SATB1: variants seen among roughly 807,000 people sequenced by gnomAD.
SATB1 encodes the protein SATB homeobox 1, also known as DNA-binding protein SATB1.
SATB1 carries 11 observed loss-of-function variants against 86.9 expected under a neutral mutation model. The observed-to-expected ratio is 0.13, with a 90% confidence interval of 0.08 to 0.21. The LOEUF (loss-of-function observed/expected upper bound fraction) is 0.21. Among genes scored for constraint, SATB1 ranks in the 10% least tolerant of loss-of-function variants. The probability of loss-of-function intolerance (pLI) is 1.00; values close to 1 mark genes in which losing one functional copy is unlikely to be tolerated. For missense variants in SATB1, 551 were observed against 937.6 expected, an observed-to-expected ratio of 0.59 and a Z score of 5.39; for synonymous variants, 357 against 357.2, an observed-to-expected ratio of 1.00 and a Z score of 0.01.
intron 3 of SATB1, 135 bp from the exon 4 acceptor site, chr3:18,416,268 C>T (rs1000624391): frequency 1.7e-6 from 1 of 578,848 alleles, no homozygotes; most frequent in South Asian, 4.3e-5. Flanking sequence ...ATTCCCTTCC[C>T]TCTAAAAGGC....
Position 18,424,924 on chromosome 3 carries a change from GGT to G in SATB1, c.-1324_-1323del, listed in dbSNP as rs923129729. The G allele has an allele frequency of 1.2e-4, 19 of 154,284 alleles. No individual in the cohort carries two copies. Among genetic ancestry groups the G allele is most frequent in the Non-Finnish European group, 1.7e-4 (12 of 69,832 alleles). The allele number at this position is 154,284 out of a possible 1,614,324, so 9.6% of individuals were successfully genotyped here. A position where few individuals can be genotyped will look rare whatever the true frequency, so the allele number is the denominator to read the frequency against. On this transcript the variant is annotated 5_prime_UTR_variant, in exon 1 of 11. An upstream open reading frame in the 5' UTR gains an earlier in-frame stop. Transcript: ENST00000338745. ...GGTGTTGCTGGGTGGCACAGGGAGA[GGT>G]GTGTGTGTGTTTGTGTGTGTGCGTG...
chr3:18,393,357 T>C (rs1041752592), intron 7 of SATB1, among the ~76,000 whole-genome samples: 2 of 152,236 alleles, frequency 1.3e-5, no homozygotes, highest in Non-Finnish European at 2.9e-5. Context: ...GTTTTTTGTT[T>C]TGTTTTAGTG....
At chr3:18,353,355 C>G (rs1302342170) in intron 9 of SATB1, among the ~76,000 whole-genome samples, 7 of 152,076 alleles carry the variant, frequency 4.6e-5, no homozygotes, top group African/African-American at 1.7e-4. Context: ...TAGATTTTGC[C>G]TGAGACCATA....
intron 5 of SATB1, among the ~76,000 whole-genome samples, chr3:18,398,770 T>G (rs1338984588): frequency 1.3e-5 from 2 of 152,132 alleles, no homozygotes; most frequent in African/African-American, 4.8e-5. Flanking sequence ...ATTTTATATC[T>G]CTAAAAAGAC....
chr3:18,419,517 T>A (rs942288978), intron 2 of SATB1, among the ~76,000 whole-genome samples: 4 of 152,172 alleles, frequency 2.6e-5, no homozygotes, highest in Non-Finnish European at 5.9e-5. Context: ...TGTGCAAATA[T>A]CACATAATAC....
chr3:18,417,756 A>C, intron 2 of SATB1: 2 of 677,490 alleles, frequency 3.0e-6, no homozygotes, highest in South Asian at 1.6e-5. Context: ...AACCTACCTA[A>C]CTAAAAAGAG....
intron 1 of SATB1, chr3:18,438,475 C>T (rs935185131): frequency 1.3e-5 from 2 of 152,098 alleles, no homozygotes; most frequent in African/African-American, 2.4e-5. Flanking sequence ...AACAGAAAGC[C>T]CTCCCCCGAA....
At chr3:18,420,641 A>C (rs1483092804) in intron 2 of SATB1, 116 bp downstream of exon 2, 2 of 799,184 alleles carry the variant, frequency 2.5e-6, no homozygotes, top group Non-Finnish European at 4.3e-6. Flanking sequence ...TACGATCATA[A>C]GGAGAATAAA....
rs746009063 is a variant in SATB1, at chr3:18,444,181, C to T, written c.-25+1337G>A. 2.8e-4 allele frequency among the ~76,000 whole-genome samples: 42 copies of T among 152,050 alleles called. No individual in the cohort carries two copies. The highest frequency in any genetic ancestry group is 5.7e-4 in the Non-Finnish European group (39 of 67,988). ...TCCTCCAGGCACCTTACTGCCCGCC[C>T]GGCTCCAGAACGCACCGAGAGGCTC... On this transcript the variant is annotated intron_variant, in intron 1 of 3. Coordinates refer to the SATB1 transcript ENST00000415069. The surrounding 1 kb of genome is among the most constrained non-coding windows in gnomAD (Gnocchi z 5.1).
rs961188102 is a variant in SATB1 at position 18,366,281 on chromosome 3, G to A, written c.1575+11889C>T. 1.3e-4 allele frequency among the ~76,000 whole-genome samples: 20 copies of A among 151,496 alleles called. 1 individual carries two copies. The highest frequency in any genetic ancestry group is 2.4e-4 in the Non-Finnish European group (16 of 67,876). On this transcript the variant is annotated intron_variant, in intron 9 of 10. Transcript: ENST00000338745. ...TTTTTTTCAAGGTATTCTCTCAAAT[G>A]AGCTGTCACTCCCTGCTTCCTTTTC...
At chr3:18,407,871 A>G (rs1697627084) in intron 5 of SATB1, among the ~76,000 whole-genome samples, 1 of 152,030 alleles carries the variant, frequency 6.6e-6, no homozygotes, top group African/African-American at 2.4e-5. Context: ...CAATACAGAG[A>G]AGAGTCTCAT....
chr3:18,443,829 A>G lies in SATB1; in HGVS notation c.-25+1689T>C, dbSNP rs1322266775. ...CACCTGTGATGTCCCGGCCCCTGCT[A>G]AGAGGACGGCCCTTTCTTCTGCCTC... is the stretch of plus-strand genomic sequence containing the variant. On this transcript the variant is annotated intron_variant, in intron 1 of 3. Transcript: ENST00000415069. This position sits in a 1 kb window ranked among gnomAD's most constrained non-coding sequence, Gnocchi z 4.4. 2.0e-5 allele frequency among the ~76,000 whole-genome samples: 3 copies of G among 152,160 alleles called. No individual in the cohort carries two copies. The highest frequency in any genetic ancestry group is 4.4e-5 in the Non-Finnish European group (3 of 68,036).
chr3:18,433,396 A>T (rs1462092601), intron 2 of SATB1, among the ~76,000 whole-genome samples: 1 of 152,158 alleles, frequency 6.6e-6, no homozygotes, highest in Non-Finnish European at 1.5e-5. Flanking sequence ...TTTTGTTTAA[A>T]AAAACGCTTT....
intron 2 of SATB1, among the ~76,000 whole-genome samples, chr3:18,431,815 G>A (rs140737241): frequency 2.0e-5 from 3 of 152,250 alleles, no homozygotes; most frequent in African/African-American, 7.2e-5. Flanking sequence ...TAAAAGTGGG[G>A]GCAGGAAGCT....
intron 2 of SATB1, chr3:18,435,224 G>A (rs1189316733): frequency 6.6e-6 from 1 of 152,090 alleles, no homozygotes; most frequent in Non-Finnish European, 1.5e-5. Context: ...AAGAAAGAGG[G>A]AGAAGTAGGA....
chr3:18,351,851 G>T (rs535085524), intron 10 of SATB1, 141 bp downstream of exon 10: 2 of 734,940 alleles, frequency 2.7e-6, no homozygotes, highest in East Asian at 2.5e-5. Flanking sequence ...TTATCCCCCT[G>T]AGCAAGATGG....
At chr3:18,379,023 C>T (rs1695908469) in intron 8 of SATB1, among the ~76,000 whole-genome samples, 1 of 152,128 alleles carries the variant, frequency 6.6e-6, no homozygotes, top group South Asian at 2.1e-4. Context: ...TGAAACCACA[C>T]AATAAGATAA....
At chr3:18,385,392 G>A (rs1237268429) in intron 8 of SATB1, among the ~76,000 whole-genome samples, 1 of 152,096 alleles carries the variant, frequency 6.6e-6, no homozygotes, top group African/African-American at 2.4e-5. Flanking sequence ...GGAGGCCGAG[G>A]TGGGAGGATC....
chr3:18,431,738 CAGT>C (rs1698897575), intron 2 of SATB1, among the ~76,000 whole-genome samples: 1 of 152,166 alleles, frequency 6.6e-6, no homozygotes, highest in Admixed American at 6.5e-5. Context: ...TATGAACCAG[CAGT>C]AGACCAAAAT....
Sources: allele counts gnomAD v4.1 joint callset (sites outside exome capture counted in the v4.1 genomes callset), GRCh38; gene constraint gnomAD v4.1.1; non-coding constraint Gnocchi (gnomAD v3.1); transcripts MANE v1.5; gene names NCBI Gene and HGNC (gene_info 2026-07-23, HGNC 2026-07-21).